Variants in KCTD19 observed in about 807,000 individuals in gnomAD.
The protein encoded by KCTD19 is potassium channel tetramerization domain containing 19, also known as BTB/POZ domain-containing protein KCTD19.
In KCTD19, 67 loss-of-function variants were observed where a neutral mutation model predicts 103.5. That is an observed-to-expected ratio of 0.65 (90% confidence interval 0.53 to 0.79). The LOEUF is 0.79. Among genes scored for constraint, KCTD19 ranks in the 30% least tolerant of loss-of-function variants. KCTD19 has a pLI of 0.00. For synonymous variants in KCTD19, 439 were observed against 452.2 expected (o/e 0.97, Z 0.37); for missense variants, 980 against 1,136.1 (o/e 0.86, Z 1.98).
chr16:67,321,199 C>A (rs1490353952), intron 1 of KCTD19, among the ~76,000 whole-genome samples: 2 of 151,848 alleles, frequency 1.3e-5, no homozygotes, highest in African/African-American at 4.8e-5. Context: ...AAAAGAAAAA[C>A]AAACAAAAAA....
rs770536784 is a variant in KCTD19, at chr16:67,291,615, C to T, written c.2410+31G>A. The T allele has an allele frequency of 2.2e-5, 35 of 1,601,452 alleles. No homozygotes were observed. The Admixed American group carries it at 4.5e-4, about 21-fold the overall frequency. ...GGGCTCAGGCATCCTCACGAGGAGG[C>T]GCAGGGCTCGGCCTGGCTCCAGAGC... is the stretch of plus-strand genomic sequence containing the variant. On this transcript the variant is annotated intron_variant, in intron 13 of 15. Transcript: ENST00000304372.
chr16:67,321,000 A>G lies in KCTD19; in HGVS notation c.4-115T>C, dbSNP rs990644978. The G allele has an allele frequency of 2.7e-5, 26 of 960,936 alleles. No individual in the cohort carries two copies. Among genetic ancestry groups the G allele is most frequent in the Admixed American group, 2.9e-5 (1 of 34,684 alleles). The allele number at this position is 960,936 out of a possible 1,614,324, so 59.5% of individuals were successfully genotyped here. A position where few individuals can be genotyped will look rare whatever the true frequency, so the allele number is the denominator to read the frequency against. On this transcript the variant is annotated intron_variant, in intron 1 of 15. Coordinates refer to ENST00000304372, the MANE Select transcript of KCTD19 (RefSeq NM_001100915.3). This position sits in a 1 kb window ranked among gnomAD's most constrained non-coding sequence, Gnocchi z 4.0. ...GCTGATGACATGATCTTGTATATAA[A>G]AAATCCTAAGGAATTCACCAGAAAA...
chr16:67,291,209 C>A, intron 14 of KCTD19, 100 bp downstream of exon 14: 2 of 1,439,840 alleles, frequency 1.4e-6, no homozygotes, highest in Non-Finnish European at 1.9e-6. Flanking sequence ...TTAACCCCAT[C>A]TTGGCTTACT....
chr16:67,318,129 A>G (rs1015088730), intron 2 of KCTD19, among the ~76,000 whole-genome samples: 1 of 152,338 alleles, frequency 6.6e-6, no homozygotes, highest in Non-Finnish European at 1.5e-5. Flanking sequence ...CACCATTTTC[A>G]AAGTGTAAGC....
At chr16:67,301,705 G>T in intron 5 of KCTD19, 86 bp downstream of exon 5, 3 of 1,301,662 alleles carry the variant, frequency 2.3e-6, no homozygotes, top group Non-Finnish European at 3.3e-6. Flanking sequence ...AAAGCCCGAA[G>T]TGATTGTGGG....
Position 67,293,472 on chromosome 16 carries a change from C to A in KCTD19, c.2218+72G>T. 2 of 1,530,140 alleles carry A rather than the reference C, an allele frequency of 1.3e-6. No homozygotes were observed. Among genetic ancestry groups the A allele is most frequent in the South Asian group, 1.3e-5 (1 of 79,922 alleles). The allele number at this position is 1,530,140 out of a possible 1,614,324, so 94.8% of individuals were successfully genotyped here. ...AGTCCTCCTTTGTCACTAACTTGCTCTGCCATCTTGGCCAAAGAGTTTGCC... is the reference window on the plus strand; with the variant it reads ...AGTCCTCCTTTGTCACTAACTTGCTATGCCATCTTGGCCAAAGAGTTTGCC... On this transcript the variant is annotated intron_variant, in intron 12 of 15. Coordinates refer to ENST00000304372, the MANE Select transcript of KCTD19 (RefSeq NM_001100915.3). The surrounding 1 kb of genome is among the most constrained non-coding windows in gnomAD (Gnocchi z 4.0).
chr16:67,291,221 C>T (rs867930926), intron 14 of KCTD19, 88 bp downstream of exon 14: 32 of 1,495,142 alleles, frequency 2.1e-5, no homozygotes, highest in Middle Eastern at 2.4e-4. Context: ...TGGCTTACTT[C>T]CTCTTGCCTT....
At chr16:67,314,303 C>G (rs2036980078) in intron 2 of KCTD19, among the ~76,000 whole-genome samples, 1 of 150,574 alleles carries the variant, frequency 6.6e-6, no homozygotes, top group South Asian at 2.1e-4. Context: ...ATTTCACATA[C>G]TATAAAACTT....
intron 3 of KCTD19, among the ~76,000 whole-genome samples, chr16:67,304,219 G>T (rs1597395921): frequency 6.6e-6 from 1 of 152,184 alleles, no homozygotes; most frequent in African/African-American, 2.4e-5. Context: ...ATGCAGAGGA[G>T]TGAGTGTGGA....
At chr16:67,310,671 T>C (rs1459352771) in intron 2 of KCTD19, among the ~76,000 whole-genome samples, 2 of 152,178 alleles carry the variant, frequency 1.3e-5, no homozygotes, top group Non-Finnish European at 2.9e-5. Flanking sequence ...GAAGTATGTG[T>C]ATGTATGTGT....
chr16:67,300,961 A>G lies in KCTD19; in HGVS notation c.775+830T>C, dbSNP rs927543804. On this transcript the variant is annotated intron_variant, in intron 5 of 15. Coordinates refer to ENST00000304372, the MANE Select transcript of KCTD19 (RefSeq NM_001100915.3). This position sits in a 1 kb window ranked among gnomAD's most constrained non-coding sequence, Gnocchi z 4.5. Reference sequence around the variant, plus strand: ...CGCCTGGCCAAGAGGATGGGTTTCTATTTGTCTGGGAGAAGGCTGGGAAAT... The same window carrying G: ...CGCCTGGCCAAGAGGATGGGTTTCTGTTTGTCTGGGAGAAGGCTGGGAAAT... The G allele has an allele frequency of 6.6e-6, 1 of 152,158 alleles. No individual in the cohort carries two copies. The highest frequency in any genetic ancestry group is 1.5e-5 in the Non-Finnish European group (1 of 68,060). 9.4% of individuals were successfully genotyped at this position (152,158 alleles called of 1,614,324 possible).
At chr16:67,291,017 T>C in intron 14 of KCTD19, 31 bp from the exon 15 acceptor site, 1 of 1,607,076 alleles carries the variant, frequency 6.2e-7, no homozygotes, top group Non-Finnish European at 8.5e-7. Context: ...CAGGCAGTGC[T>C]AGGGCAGCTC....
chr16:67,301,887 C>G lies in KCTD19; in HGVS notation c.679G>C (p.Asp227His). 1 of 1,613,502 alleles carries G rather than the reference C, an allele frequency of 6.2e-7. No individual in the cohort carries two copies. The highest frequency in any genetic ancestry group is 1.7e-5 in the Admixed American group (1 of 60,014). ...AATACATCAATGTTGGAGAAATTAT[C>G]CGGTAGTAAAATCTTCTGTGAGCGA... is the stretch of plus-strand genomic sequence containing the variant. ...FLRSQKILLPDNFSNIDVLEA... is the reference protein window; with the variant it reads ...FLRSQKILLPHNFSNIDVLEA... Residue 227 changes from aspartate (D) to histidine (H), a missense_variant, in exon 5 of 16, where the codon GAT becomes CAT. Coordinates refer to ENST00000304372, the MANE Select transcript of KCTD19 (RefSeq NM_001100915.3).
At chr16:67,325,134 C>A (rs1193015019) in intron 1 of KCTD19, among the ~76,000 whole-genome samples, 2 of 151,900 alleles carry the variant, frequency 1.3e-5, no homozygotes, top group African/African-American at 4.8e-5. Context: ...AAACCTACTT[C>A]TCGAAGGTGA....
intron 2 of KCTD19, among the ~76,000 whole-genome samples, chr16:67,308,378 T>G (rs1255895707): frequency 6.6e-6 from 1 of 152,038 alleles, no homozygotes; most frequent in Non-Finnish European, 1.5e-5. Context: ...TGGCCCAGGC[T>G]GGTCTCAAAC....
chr16:67,301,040 T>C (rs1056923331), intron 5 of KCTD19: 5 of 152,288 alleles, frequency 3.3e-5, no homozygotes, highest in African/African-American at 9.6e-5. Flanking sequence ...TGTCTGGTGA[T>C]GTCCAGGCCA....
chr16:67,303,866 A>G lies in KCTD19; in HGVS notation c.452-529T>C, dbSNP rs889993694. On this transcript the variant is annotated intron_variant, in intron 3 of 15. Transcript: ENST00000304372. The surrounding 1 kb of genome is among the most constrained non-coding windows in gnomAD (Gnocchi z 4.3). Reference sequence around the variant, plus strand: ...CCAGCTGGAAATCTATATTTTTTCTATAAACAGTGAAGGGCAGTGGGACAT... The same window carrying G: ...CCAGCTGGAAATCTATATTTTTTCTGTAAACAGTGAAGGGCAGTGGGACAT... 6.6e-6 allele frequency among the ~76,000 whole-genome samples: 1 copy of G among 152,206 alleles called. No homozygotes were observed. The highest frequency in any genetic ancestry group is 1.5e-5 in the Non-Finnish European group (1 of 68,040).
At chr16:67,299,261 C>T in intron 6 of KCTD19, 102 bp downstream of exon 6, 1 of 1,054,778 alleles carries the variant, frequency 9.5e-7, no homozygotes, top group Non-Finnish European at 1.4e-6. Flanking sequence ...GCCCCAAGGA[C>T]ACACTTCACC....
At chr16:67,310,281 A>G (rs2036936340) in intron 2 of KCTD19, among the ~76,000 whole-genome samples, 1 of 152,136 alleles carries the variant, frequency 6.6e-6, no homozygotes, top group Non-Finnish European at 1.5e-5. Flanking sequence ...TATTTGCAGC[A>G]CCTAAAACAA....
Sources: gnomAD v4.1 joint callset for allele counts (sites outside exome capture counted in the v4.1 genomes callset) on GRCh38, gnomAD v4.1.1 for gene constraint, Gnocchi (gnomAD v3.1) non-coding constraint, MANE v1.5 for transcripts, NCBI Gene and HGNC (gene_info 2026-07-23, HGNC 2026-07-21) for gene names.